PLEKHH2: variants seen among roughly 807,000 people sequenced by gnomAD.
PLEKHH2 encodes the protein pleckstrin homology, MyTH4 and FERM domain containing H2.
A neutral mutation model predicts 187.9 loss-of-function variants in PLEKHH2; 129 were observed. That is an observed-to-expected ratio of 0.69 (90% confidence interval 0.59 to 0.79). The LOEUF (loss-of-function observed/expected upper bound fraction) is 0.79, where lower values mean the gene tolerates loss of function less well. Ranked by LOEUF, PLEKHH2 falls within the 30% of genes least tolerant of loss-of-function variation. The probability of loss-of-function intolerance (pLI) is 0.00; values close to 1 mark genes in which losing one functional copy is unlikely to be tolerated. For synonymous variants in PLEKHH2, 686 were observed against 605.6 expected (o/e 1.13, Z -1.95); for missense variants, 2,076 against 1,751.2 (o/e 1.19, Z -3.31).
At chr2:43,667,378 G>T (rs1013773923) in intron 2 of PLEKHH2, among the ~76,000 whole-genome samples, 2 of 152,150 alleles carry the variant, frequency 1.3e-5, no homozygotes, top group Non-Finnish European at 2.9e-5. Flanking sequence ...AAACAGTTGG[G>T]TAGTTCTTCA....
intron 16 of PLEKHH2, among the ~76,000 whole-genome samples, chr2:43,723,587 T>C (rs560367340): frequency 1.3e-5 from 2 of 152,316 alleles, no homozygotes; most frequent in East Asian, 1.9e-4. Flanking sequence ...GGAGGATATC[T>C]TTCATATAGG....
At chr2:43,659,349 C>G (rs192238996) in intron 2 of PLEKHH2, among the ~76,000 whole-genome samples, 277 of 151,920 alleles carry the variant, frequency 1.8e-3, no homozygotes, top group African/African-American at 5.0e-3. Flanking sequence ...TTAACACCTC[C>G]CTGCTGTTTT....
intron 18 of PLEKHH2, among the ~76,000 whole-genome samples, chr2:43,730,559 C>T (rs575460403): frequency 1.3e-3 from 191 of 152,182 alleles, no homozygotes; most frequent in African/African-American, 4.2e-3. Context: ...CCACCATGCC[C>T]GACTAATTTT....
chr2:43,670,916 T>G (rs1364733487), intron 2 of PLEKHH2, among the ~76,000 whole-genome samples: 1 of 152,176 alleles, frequency 6.6e-6, no homozygotes, highest in Non-Finnish European at 1.5e-5. Flanking sequence ...ATTTTATGGT[T>G]TTGATGCTTT....
intron 3 of PLEKHH2, chr2:43,679,473 G>A (rs1241582733): frequency 1.2e-5 from 4 of 345,450 alleles, no homozygotes; most frequent in South Asian, 6.3e-5. Context: ...TTGAATTACG[G>A]AATCAGGAAT....
Position 43,700,113 on chromosome 2 carries a change from A to G in PLEKHH2, c.1155A>G (p.Glu385=). Residue 385 remains glutamate, a synonymous_variant, in exon 8 of 30, where the codon GAA becomes GAG. Transcript: ENST00000282406. ...AGGAACAAGATAGTTCCTCGGATGA[A>G]CTGAATAAAAAATTTCAATCCCAGA... ...SKKEQDSSSD[E]LNKKFQSQRL... is the part of the protein sequence containing the mutation. 6.2e-7 allele frequency: 1 copy of G among 1,614,150 alleles called. No individual in the cohort carries two copies. The highest frequency in any genetic ancestry group is 8.5e-7 in the Non-Finnish European group (1 of 1,180,014).
At chr2:43,680,778 C>T (rs145025597) in intron 3 of PLEKHH2, 2 of 366,516 alleles carry the variant, frequency 5.5e-6, no homozygotes, top group East Asian at 1.3e-4. Flanking sequence ...GTTTGTCATT[C>T]CAAGTTTCTC....
chr2:43,712,318 C>A lies in PLEKHH2; in HGVS notation c.2395C>A (p.Gln799Lys), dbSNP rs963747329. The A allele has an allele frequency of 6.2e-7, 1 of 1,614,044 alleles. No individual in the cohort carries two copies. The highest frequency in any genetic ancestry group is 8.5e-7 in the Non-Finnish European group (1 of 1,179,972). The change falls in exon 15 of 30, where the codon CAA becomes AAA. Residue 799 changes from glutamine to lysine, a missense_variant. Gln to Lys is a moderately conservative substitution (Grantham distance 53, BLOSUM62 1). Coordinates refer to ENST00000282406, the MANE Select transcript of PLEKHH2 (RefSeq NM_172069.4). Reference protein sequence around the residue: ...IKVLQNVLRVQAANPLSLQPE... With the variant: ...IKVLQNVLRVKAANPLSLQPE... Reference sequence around the variant, plus strand: ...AGTGTTACAGAATGTTCTTCGAGTACAAGCTGCCAACCCACTTTCCCTGCA... The same window carrying A: ...AGTGTTACAGAATGTTCTTCGAGTAAAAGCTGCCAACCCACTTTCCCTGCA...
rs1379655236 is a variant in PLEKHH2, at chr2:43,762,246, A to T, written c.4072-58A>T. On this transcript the variant is annotated intron_variant, in intron 27 of 29. Transcript: ENST00000282406. ...ATGTTACATGACATTTAGACTGAAAAATATTCCTGTAATTTTGCTTAGTAT... is the reference window on the plus strand; with the variant it reads ...ATGTTACATGACATTTAGACTGAAATATATTCCTGTAATTTTGCTTAGTAT... The T allele has an allele frequency of 9.2e-6, 12 of 1,298,202 alleles. No homozygotes were observed. In the East Asian group the frequency reaches 2.3e-4, roughly 25 times the overall value. 80.4% of individuals were successfully genotyped at this position (1,298,202 alleles called of 1,614,324 possible).
intron 2 of PLEKHH2, among the ~76,000 whole-genome samples, chr2:43,671,420 G>C (rs1319595337): frequency 1.3e-5 from 2 of 151,598 alleles, no homozygotes; most frequent in African/African-American, 4.9e-5. Flanking sequence ...TGTCATCTGT[G>C]AATAAATATT....
In PLEKHH2 at chr2:43,726,469, G is replaced by T. The variant is rs759442757; in HGVS notation, c.2721+18G>T. On this transcript the variant is annotated intron_variant, in intron 17 of 29. Coordinates refer to ENST00000282406, the MANE Select transcript of PLEKHH2 (RefSeq NM_172069.4). ...ATGAAAAGGTATTCAAAGACTTATT[G>T]GTTGATTTAGAATGATGTAGACTAA... 6.4e-7 allele frequency: 1 copy of T among 1,565,498 alleles called. No homozygotes were observed. Among genetic ancestry groups the T allele is most frequent in the East Asian group, 2.3e-5 (1 of 44,438 alleles).
chr2:43,705,704 C>A (rs1669625183), intron 9 of PLEKHH2, among the ~76,000 whole-genome samples: 1 of 152,078 alleles, frequency 6.6e-6, no homozygotes, highest in African/African-American at 2.4e-5. Flanking sequence ...TCACTGCAAC[C>A]TCCCCTTCCC....
intron 2 of PLEKHH2, among the ~76,000 whole-genome samples, chr2:43,655,632 C>T (rs927812180): frequency 1.3e-5 from 2 of 152,174 alleles, no homozygotes; most frequent in African/African-American, 4.8e-5. Context: ...CCCACCTTGT[C>T]CTAGAGAAAG....
chr2:43,706,021 C>T (rs553395800), intron 9 of PLEKHH2, among the ~76,000 whole-genome samples: 3 of 152,266 alleles, frequency 2.0e-5, no homozygotes, highest in African/African-American at 7.2e-5. Context: ...CTTAGTTCTG[C>T]CCAGCCTGAG....
At chr2:43,732,794 C>T (rs1439819741) in intron 19 of PLEKHH2, among the ~76,000 whole-genome samples, 2 of 152,056 alleles carry the variant, frequency 1.3e-5, no homozygotes, top group Non-Finnish European at 2.9e-5. Context: ...CCCATAATTC[C>T]ATGTACTCTT....
At chr2:43,757,619 C>T (rs546249681) in intron 26 of PLEKHH2, among the ~76,000 whole-genome samples, 37 of 151,996 alleles carry the variant, frequency 2.4e-4, no homozygotes, top group Non-Finnish European at 4.1e-4. Flanking sequence ...GGGGTTTCAC[C>T]GTGTTAGCCA....
At chr2:43,761,146 A>G (rs1672413685) in intron 27 of PLEKHH2, among the ~76,000 whole-genome samples, 1 of 152,208 alleles carries the variant, frequency 6.6e-6, no homozygotes, top group South Asian at 2.1e-4. Context: ...TTTTGTATAT[A>G]TGAGATGCTA....
chr2:43,693,848 C>T (rs1161593046), intron 4 of PLEKHH2, among the ~76,000 whole-genome samples: 1 of 151,646 alleles, frequency 6.6e-6, no homozygotes, highest in Non-Finnish European at 1.5e-5. Context: ...TTATTTTCAG[C>T]ATTTTTTCCC....
chr2:43,765,451 C>G lies in PLEKHH2; in HGVS notation c.4335C>G (p.Asn1445Lys), dbSNP rs745438766. Residue 1445 changes from asparagine (N) to lysine (K), a missense_variant, in exon 30 of 30, where the codon AAC (asparagine) becomes AAG (lysine). Asn to Lys is a moderately conservative substitution (Grantham distance 94). Transcript: ENST00000282406. Reference protein sequence around the residue: ...EITLLIASYINNFHQQKAAFH... With the variant: ...EITLLIASYIKNFHQQKAAFH... ...CTCTTTTGATCGCCAGTTACATAAA[C>G]AACTTCCATCAGCAAAAGGCAGCAT... 1 of 1,614,158 alleles carries G rather than the reference C, an allele frequency of 6.2e-7. No individual in the cohort carries two copies. Among genetic ancestry groups the G allele is most frequent in the South Asian group, 1.1e-5 (1 of 91,076 alleles).
Sources: gnomAD v4.1 joint callset for allele counts (sites outside exome capture counted in the v4.1 genomes callset) on GRCh38, gnomAD v4.1.1 for gene constraint, MANE v1.5 for transcripts, NCBI Gene and HGNC (gene_info 2026-07-23, HGNC 2026-07-21) for gene names.